Variants in ATF7IP observed in about 807,000 individuals in gnomAD.
ATF7IP encodes activating transcription factor 7 interacting protein.
ATF7IP carries 23 observed loss-of-function variants against 106.4 expected under a neutral mutation model. The ratio of observed to expected loss-of-function variants is 0.22; its 90% CI spans 0.16 to 0.31. The LOEUF is 0.31. ATF7IP is among the 10% of genes least tolerant of loss of function. The pLI, the probability that ATF7IP is intolerant of heterozygous loss-of-function variation, is 1.00. For synonymous variants in ATF7IP, 542 were observed against 539.0 expected, an observed-to-expected ratio of 1.01 and a Z score of -0.08; for missense variants, 1,334 against 1,524.3, an observed-to-expected ratio of 0.88 and a Z score of 2.08.
intron 1 of ATF7IP, chr12:14,367,397 A>T (rs1938352054): frequency 6.6e-6 from 1 of 152,076 alleles, no homozygotes; most frequent in African/African-American, 2.4e-5. Flanking sequence ...ATTTGACCTG[A>T]TGTAATTCTT....
chr12:14,421,538 G>A (rs1320748982), intron 1 of ATF7IP, among the ~76,000 whole-genome samples: 1 of 152,138 alleles, frequency 6.6e-6, no homozygotes, highest in Non-Finnish European at 1.5e-5. Context: ...TTCTCCCAGT[G>A]TGCATGTCTG....
At chr12:14,439,606 G>A (rs1211433089) in intron 5 of ATF7IP, among the ~76,000 whole-genome samples, 4 of 152,152 alleles carry the variant, frequency 2.6e-5, no homozygotes, top group Non-Finnish European at 5.9e-5. Flanking sequence ...TGAGGAAGGT[G>A]AATCTCTTGA....
intron 10 of ATF7IP, among the ~76,000 whole-genome samples, chr12:14,474,957 A>C (rs573199295): frequency 1.3e-5 from 2 of 152,286 alleles, no homozygotes; most frequent in African/African-American, 2.4e-5. Context: ...TTATTGTAGA[A>C]AGATTTATAA....
intron 13 of ATF7IP, among the ~76,000 whole-genome samples, chr12:14,485,493 A>G (rs938601167): frequency 1.2e-4 from 18 of 152,076 alleles, no homozygotes; most frequent in African/African-American, 3.6e-4. Context: ...TGTTTTTGCT[A>G]CTTCTTGCTC....
chr12:14,491,673 C>G (rs999936212), intron 13 of ATF7IP, among the ~76,000 whole-genome samples: 3 of 152,176 alleles, frequency 2.0e-5, no homozygotes, highest in African/African-American at 7.2e-5. Flanking sequence ...CTGTCTTTGC[C>G]CACTGAAGGC....
At chr12:14,413,024 CAA>C (rs1489836038) in intron 1 of ATF7IP, among the ~76,000 whole-genome samples, 1 of 152,124 alleles carries the variant, frequency 6.6e-6, no homozygotes, top group African/African-American at 2.4e-5. Context: ...AAAAAACAAA[CAA>C]AAAGTTGTTT....
intron 10 of ATF7IP, among the ~76,000 whole-genome samples, chr12:14,471,157 T>C (rs567169955): frequency 4.9e-4 from 75 of 152,364 alleles, no homozygotes; most frequent in African/African-American, 1.5e-3. Flanking sequence ...TGTATGACTT[T>C]GTTACTTTTA....
Position 14,468,401 on chromosome 12 carries a change from G to A in ATF7IP, c.2862+1811G>A, listed in dbSNP as rs113659465. On this transcript the variant is annotated intron_variant, in intron 10 of 14. Coordinates refer to ENST00000261168, the MANE Select transcript of ATF7IP (RefSeq NM_018179.5). ...CACGTCTATAATCCCGGCACTTTGGGAGGTGAAGACAGGAGGATCACTTGA... is the reference window on the plus strand; with the variant it reads ...CACGTCTATAATCCCGGCACTTTGGAAGGTGAAGACAGGAGGATCACTTGA... Among the ~76,000 whole-genome samples, 680 of 151,804 alleles carry A rather than the reference G, an allele frequency of 4.5e-3. 3 individuals are homozygous for A. Among genetic ancestry groups the A allele is most frequent in the East Asian group, 0.015 (79 of 5,174 alleles).
chr12:14,494,264 T>A (rs1944922473), intron 13 of ATF7IP, among the ~76,000 whole-genome samples: 1 of 129,326 alleles, frequency 7.7e-6, no homozygotes, highest in Non-Finnish European at 1.6e-5. Flanking sequence ...TAGGGTTCTC[T>A]AGGGGGACAG....
chr12:14,425,209 A>G lies in ATF7IP; in HGVS notation c.1294A>G (p.Thr432Ala), dbSNP rs370506660. The change falls in exon 2 of 15, where the codon ACA (threonine) becomes GCA (alanine). Residue 432 changes from threonine (T) to alanine (A), a missense_variant. Thr to Ala is a moderately conservative substitution (Grantham distance 58, BLOSUM62 0). Transcript: ENST00000261168. ...CTTAGAAAATACAGACTCTATGGAG[A>G]CAGATGAAATCATTCCTATTTTGGA... ...NILENTDSME[T>A]DEIIPILEKL... 2 of 1,595,176 alleles carry G rather than the reference A, an allele frequency of 1.3e-6. No individual in the cohort carries two copies. The highest frequency in any genetic ancestry group is 2.7e-5 in the African/African-American group (2 of 73,494).
chr12:14,438,368 TC>T, intron 5 of ATF7IP, 101 bp downstream of exon 5: 3 of 1,135,888 alleles, frequency 2.6e-6, no homozygotes, highest in Non-Finnish European at 3.6e-6. Flanking sequence ...ACATTTAAAT[TC>T]TAAATGTAAG....
chr12:14,445,729 G>A (rs996718287), intron 5 of ATF7IP, among the ~76,000 whole-genome samples: 22 of 152,130 alleles, frequency 1.4e-4, no homozygotes, highest in Admixed American at 1.3e-4. Context: ...ACTGCTTTCT[G>A]CAAGAAACTT....
At chr12:14,398,425 A>C (rs1591790096) in intron 1 of ATF7IP, among the ~76,000 whole-genome samples, 1 of 145,452 alleles carries the variant, frequency 6.9e-6, no homozygotes, top group African/African-American at 2.5e-5. Context: ...TTTTTCTGTC[A>C]TCTTGTTGGT....
At chr12:14,471,754 A>G (rs1181569252) in intron 10 of ATF7IP, among the ~76,000 whole-genome samples, 1 of 152,108 alleles carries the variant, frequency 6.6e-6, no homozygotes, top group Admixed American at 6.5e-5. Flanking sequence ...GCATGGGGGA[A>G]ACTGCCCCCA....
chr12:14,387,914 C>A (rs1333837872), intron 1 of ATF7IP, among the ~76,000 whole-genome samples: 1 of 152,160 alleles, frequency 6.6e-6, no homozygotes, highest in Non-Finnish European at 1.5e-5. Context: ...AGGGTGGTGG[C>A]ACTGGCCAAG....
rs937669150 is a variant in ATF7IP, at chr12:14,438,257, C to G, written c.1919C>G (p.Thr640Ser). ...ECNKRHKTVL[T>S]ELQAKIARLT... ...AACAAGAGGCATAAAACAGTTCTCA[C>G]TGAACTACAGGTTTGTACATTGACT... Residue 640 changes from threonine to serine, a missense_variant, in exon 5 of 15, where the codon ACT becomes AGT. By Grantham distance (58) the Thr-to-Ser change is moderately conservative. Around this residue, in one of 10 missense-constraint regions of ATF7IP, gnomAD observed 171 missense variants for 172.6 expected, o/e 0.99. Coordinates refer to ENST00000261168, the MANE Select transcript of ATF7IP (RefSeq NM_018179.5). 1 of 1,612,206 alleles carries G rather than the reference C, an allele frequency of 6.2e-7. No homozygotes were observed. Among genetic ancestry groups the G allele is most frequent in the Non-Finnish European group, 8.5e-7 (1 of 1,179,592 alleles).
chr12:14,490,099 T>G (rs1944762683), intron 13 of ATF7IP, among the ~76,000 whole-genome samples: 1 of 152,176 alleles, frequency 6.6e-6, no homozygotes, highest in South Asian at 2.1e-4. Flanking sequence ...ACGTCAGCCT[T>G]GGTAAGTGGA....
rs192417302 is a variant in ATF7IP, at chr12:14,450,758, T to C, written c.1995+3705T>C. ...ATCCTCCAGTGAAGCCATCTGGTCT[T>C]AGGTTTTTGTTTGTTAATTTTATTT... On this transcript the variant is annotated intron_variant, in intron 6 of 14. Transcript: ENST00000261168. Among the ~76,000 whole-genome samples, 1,455 of 152,208 alleles carry C rather than the reference T, an allele frequency of 9.6e-3. 34 individuals are homozygous for C. Among genetic ancestry groups the C allele is most frequent in the African/African-American group, 0.033 (1,379 of 41,538 alleles).
chr12:14,418,754 G>A (rs1411022483), intron 1 of ATF7IP, among the ~76,000 whole-genome samples: 1 of 152,140 alleles, frequency 6.6e-6, no homozygotes, highest in Non-Finnish European at 1.5e-5. Context: ...GAACCCATAA[G>A]ATCTGGTAAA....
Sources: gnomAD v4.1 joint callset for allele counts (sites outside exome capture counted in the v4.1 genomes callset) on GRCh38, gnomAD v4.1.1 for gene constraint, gnomAD v4.1.1 regional missense constraint, MANE v1.5 for transcripts, NCBI Gene and HGNC (gene_info 2026-07-23, HGNC 2026-07-21) for gene names.